Variants in SDK1 observed in about 807,000 individuals in gnomAD.
SDK1 encodes protein sidekick-1.
A neutral mutation model predicts 245.5 loss-of-function variants in SDK1; 157 were observed. The ratio of observed to expected loss-of-function variants is 0.64; its 90% CI spans 0.56 to 0.73. The LOEUF (loss-of-function observed/expected upper bound fraction) is 0.73, where lower values mean the gene tolerates loss of function less well. Among genes scored for constraint, SDK1 ranks in the 30% least tolerant of loss-of-function variants. The pLI, the probability that SDK1 is intolerant of heterozygous loss-of-function variation, is 0.00. For missense variants in SDK1, 3,583 were observed against 3,002.3 expected (o/e 1.19, Z -4.52); for synonymous variants, 1,647 against 1,278.5 (o/e 1.29, Z -6.15).
intron 5 of SDK1, among the ~76,000 whole-genome samples, chr7:3,849,077 G>A (rs770721223): frequency 3.9e-5 from 6 of 152,134 alleles, no homozygotes; most frequent in African/African-American, 7.2e-5. Flanking sequence ...TTTCATACCC[G>A]TCCTTTCTCT....
intron 1 of SDK1, among the ~76,000 whole-genome samples, chr7:3,325,769 A>G (rs1779925647): frequency 6.6e-6 from 1 of 152,270 alleles, no homozygotes; most frequent in African/African-American, 2.4e-5. Flanking sequence ...TTACATAGAT[A>G]ATCCTCAGTT....
At chr7:3,797,455 G>A (rs1190736928) in intron 4 of SDK1, among the ~76,000 whole-genome samples, 2 of 90,490 alleles carry the variant, frequency 2.2e-5, no homozygotes, top group Admixed American at 2.6e-4. Flanking sequence ...AGAGGGGTGT[G>A]TATACACACA....
At chr7:4,147,673 C>T (rs1357123675) in intron 29 of SDK1, among the ~76,000 whole-genome samples, 3 of 152,100 alleles carry the variant, frequency 2.0e-5, no homozygotes, top group African/African-American at 2.4e-5. Flanking sequence ...CACAGACACC[C>T]GAGGTGCTTC....
intron 4 of SDK1, among the ~76,000 whole-genome samples, chr7:3,803,215 T>C (rs1009169337): frequency 2.0e-5 from 3 of 152,204 alleles, no homozygotes; most frequent in Non-Finnish European, 4.4e-5. Flanking sequence ...CTCAACACTT[T>C]TTATGTGCTT....
chr7:3,327,969 A>G (rs953840945), intron 1 of SDK1, among the ~76,000 whole-genome samples: 1 of 152,140 alleles, frequency 6.6e-6, no homozygotes, highest in Non-Finnish European at 1.5e-5. Flanking sequence ...ATGCATGTGT[A>G]AAAAGGGAAT....
intron 1 of SDK1, among the ~76,000 whole-genome samples, chr7:3,442,783 C>A (rs1251819865): frequency 6.6e-6 from 1 of 152,146 alleles, no homozygotes; most frequent in African/African-American, 2.4e-5. Context: ...GTTCTTGTTG[C>A]CAGTGACTAC....
chr7:4,222,296 CTTTA>C (rs1562451878), intron 40 of SDK1, among the ~76,000 whole-genome samples: 6 of 152,118 alleles, frequency 3.9e-5, no homozygotes. Flanking sequence ...CTAGAAACTT[CTTTA>C]TTTTATTTTT....
At chr7:3,426,634 T>C (rs1462344724) in intron 1 of SDK1, among the ~76,000 whole-genome samples, 1 of 152,198 alleles carries the variant, frequency 6.6e-6, no homozygotes, top group Non-Finnish European at 1.5e-5. Flanking sequence ...TCAACATCTG[T>C]CTCCAGTTAG....
At chr7:3,622,133 A>G (rs1478259420) in intron 2 of SDK1, among the ~76,000 whole-genome samples, 1 of 152,166 alleles carries the variant, frequency 6.6e-6, no homozygotes, top group Non-Finnish European at 1.5e-5. Flanking sequence ...AACATACGCT[A>G]AGTTTATTGG....
At chr7:3,866,424 A>C (rs903027697) in intron 5 of SDK1, among the ~76,000 whole-genome samples, 1 of 152,178 alleles carries the variant, frequency 6.6e-6, no homozygotes, top group Admixed American at 6.5e-5. Flanking sequence ...TGAACGATGA[A>C]AGGGGGCCAA....
intron 1 of SDK1, among the ~76,000 whole-genome samples, chr7:3,396,412 G>A (rs979978207): frequency 6.6e-6 from 1 of 151,638 alleles, no homozygotes; most frequent in Non-Finnish European, 1.5e-5. Flanking sequence ...AAGTTGATTG[G>A]CAGTGTTATA....
At chr7:3,452,433 C>A (rs1054286538) in intron 1 of SDK1, among the ~76,000 whole-genome samples, 1 of 152,118 alleles carries the variant, frequency 6.6e-6, no homozygotes, top group African/African-American at 2.4e-5. Context: ...TTGTAGAGAG[C>A]CTCTTACTAT....
At chr7:3,554,988 T>C (rs543648491) in intron 1 of SDK1, among the ~76,000 whole-genome samples, 1 of 152,300 alleles carries the variant, frequency 6.6e-6, no homozygotes, top group East Asian at 1.9e-4. Flanking sequence ...GAATCAATAT[T>C]GTTCAAATGT....
At chr7:3,339,338 A>G (rs1780284790) in intron 1 of SDK1, among the ~76,000 whole-genome samples, 1 of 152,202 alleles carries the variant, frequency 6.6e-6, no homozygotes, top group South Asian at 2.1e-4. Context: ...ACATATAAAT[A>G]AATGTAATAA....
At chr7:4,142,057 G>T (rs1038437635) in intron 28 of SDK1, among the ~76,000 whole-genome samples, 5 of 151,992 alleles carry the variant, frequency 3.3e-5, no homozygotes, top group African/African-American at 1.2e-4. Flanking sequence ...GCCCTGCCGG[G>T]ATAGGCATGT....
chr7:4,060,859 T>C (rs1022367133), intron 19 of SDK1, among the ~76,000 whole-genome samples: 24 of 152,196 alleles, frequency 1.6e-4, no homozygotes, highest in African/African-American at 5.8e-4. Flanking sequence ...TTTCTACATA[T>C]GGCTAGCCAG....
At chr7:4,097,186 G>A (rs930128261) in intron 22 of SDK1, among the ~76,000 whole-genome samples, 11 of 152,186 alleles carry the variant, frequency 7.2e-5, no homozygotes, top group Admixed American at 1.3e-4. Flanking sequence ...ACCCCACCTC[G>A]CAGCAAACAA....
chr7:3,647,104 G>A (rs1782862739), intron 4 of SDK1, among the ~76,000 whole-genome samples: 1 of 152,174 alleles, frequency 6.6e-6, no homozygotes, highest in African/African-American at 2.4e-5. Context: ...ATTAATCTTA[G>A]GCCACGGATG....
At chr7:3,744,049 C>T (rs1026859903) in intron 4 of SDK1, among the ~76,000 whole-genome samples, 2 of 152,176 alleles carry the variant, frequency 1.3e-5, no homozygotes, top group African/African-American at 2.4e-5. Context: ...TGTCTCAAGT[C>T]TTTGCCATCT....
Sources: allele counts gnomAD v4.1 joint callset (sites outside exome capture counted in the v4.1 genomes callset), GRCh38; gene constraint gnomAD v4.1.1; transcripts MANE v1.5; gene names NCBI Gene and HGNC (gene_info 2026-07-23, HGNC 2026-07-21).